Variants in ETV1 observed in about 807,000 individuals in gnomAD.
The protein encoded by ETV1 is ETS variant transcription factor 1.
Under a neutral mutation model 62.3 loss-of-function variants are expected in ETV1, and 27 were observed. That is an observed-to-expected ratio of 0.43 (90% CI 0.32 to 0.60). ETV1 has a LOEUF of 0.60. ETV1 is among the 20% of genes least tolerant of loss of function. ETV1 has a pLI of 0.06. For missense variants in ETV1, 605 were observed against 605.8 expected (o/e 1.00, Z 0.01); for synonymous variants, 222 against 199.6 (o/e 1.11, Z -0.94).
Position 13,906,545 on chromosome 7 carries a change from C to G in ETV1, c.995G>C (p.Arg332Pro). Residue 332 changes from arginine to proline, a missense_variant, in exon 12 of 14, where the codon CGA (arginine) becomes CCA (proline). Physicochemically the swap from Arg to Pro is moderately radical, Grantham distance 103 (BLOSUM62 -2). Around this residue, in one of 3 missense-constraint regions of ETV1, gnomAD observed 100 missense variants for 156.4 expected, o/e 0.64. Transcript: ENST00000430479. ...AAACTGCCAGAGCTGAAGTGATCCT[C>G]GCCGTTGGTATGTGGGTCCTTCCCG... ...MYREGPTYQR[R>P]GSLQLWQFLV... is the part of the protein sequence containing the mutation. 1 of 1,612,484 alleles carries G rather than the reference C, an allele frequency of 6.2e-7. No homozygotes were observed. Among genetic ancestry groups the G allele is most frequent in the South Asian group, 1.1e-5 (1 of 90,698 alleles).
chr7:13,917,622 T>G (rs188914907), intron 9 of ETV1, among the ~76,000 whole-genome samples: 1 of 151,590 alleles, frequency 6.6e-6, no homozygotes, highest in Non-Finnish European at 1.5e-5. Context: ...TGACCAACTT[T>G]GAGTATTTAT....
intron 9 of ETV1, among the ~76,000 whole-genome samples, chr7:13,912,201 A>G (rs1310751300): frequency 2.0e-5 from 3 of 152,228 alleles, no homozygotes; most frequent in South Asian, 2.1e-4. Context: ...TCTATTACAT[A>G]TAAGTGTGAC....
chr7:13,967,811 T>A (rs1457331927), intron 6 of ETV1, among the ~76,000 whole-genome samples: 2 of 152,128 alleles, frequency 1.3e-5, no homozygotes, highest in Non-Finnish European at 2.9e-5. Flanking sequence ...TATATCTTAT[T>A]TCATGAAACT....
chr7:13,945,101 T>C (rs1039794000), intron 6 of ETV1, among the ~76,000 whole-genome samples: 3 of 152,178 alleles, frequency 2.0e-5, no homozygotes, highest in Middle Eastern at 3.2e-3. Context: ...CAGTTTGTGA[T>C]ACTTTGTTAC....
intron 5 of ETV1, among the ~76,000 whole-genome samples, chr7:13,981,522 TAC>T (rs1562715270): frequency 1.4e-4 from 19 of 138,312 alleles, no homozygotes; most frequent in Admixed American, 3.8e-4. Flanking sequence ...CATACATACA[TAC>T]ATACATACAT....
chr7:13,895,272 CAT>C lies in ETV1; in HGVS notation c.*592_*593del, dbSNP rs144173400. 1.3e-5 allele frequency: 3 copies of C among 233,784 alleles called. No individual in the cohort carries two copies. The highest frequency in any genetic ancestry group is 2.5e-5 in the Non-Finnish European group (3 of 118,174). 14.5% of individuals were successfully genotyped at this position (233,784 alleles called of 1,614,324 possible). On this transcript the variant is annotated 3_prime_UTR_variant, in exon 14 of 14. Coordinates refer to ENST00000430479, the MANE Select transcript of ETV1 (RefSeq NM_004956.5). Reference sequence around the variant, plus strand: ...CATTTTATGGTTATCCTCTGCAAGTCATATATAAAGCAAAATAAAACAACAAA... The same window carrying C: ...CATTTTATGGTTATCCTCTGCAAGTCATATAAAGCAAAATAAAACAACAAA...
chr7:13,956,936 T>C (rs1789533815), intron 6 of ETV1, among the ~76,000 whole-genome samples: 2 of 152,080 alleles, frequency 1.3e-5, no homozygotes, highest in Non-Finnish European at 2.9e-5. Context: ...TCAAAAAAAT[T>C]AAGATGTGAT....
rs547288512 is a variant in ETV1, at chr7:13,987,855, T to C, written c.133+231A>G. 2.6e-5 allele frequency among the ~76,000 whole-genome samples: 4 copies of C among 152,304 alleles called. No homozygotes were observed. The South Asian group carries it at 8.3e-4, about 32-fold the overall frequency. Reference sequence around the variant, plus strand: ...CACAAAACAATGATTAAAAGAAGGTTGTCATTGAGAAGTTTTTATTTCCTT... The same window carrying C: ...CACAAAACAATGATTAAAAGAAGGTCGTCATTGAGAAGTTTTTATTTCCTT... On this transcript the variant is annotated intron_variant, in intron 4 of 13. Coordinates refer to ENST00000430479, the MANE Select transcript of ETV1 (RefSeq NM_004956.5).
chr7:13,976,338 A>T (rs1452162281), intron 6 of ETV1, among the ~76,000 whole-genome samples: 1 of 152,226 alleles, frequency 6.6e-6, no homozygotes, highest in Non-Finnish European at 1.5e-5. Context: ...TTGAACTACA[A>T]ACTTAAAAAT....
At chr7:13,898,670 G>T (rs1027691248) in intron 13 of ETV1, among the ~76,000 whole-genome samples, 1 of 151,896 alleles carries the variant, frequency 6.6e-6, no homozygotes, top group African/African-American at 2.4e-5. Flanking sequence ...CACCACATAT[G>T]CCCACAAAGT....
rs140866161 is a variant in ETV1 at position 13,981,018 on chromosome 7, G to A, written c.182-3538C>T. 5.1e-4 allele frequency among the ~76,000 whole-genome samples: 78 copies of A among 151,868 alleles called. 1 individual carries two copies. The East Asian group carries it at 0.012, about 23-fold the overall frequency. On this transcript the variant is annotated intron_variant, in intron 5 of 13. Coordinates refer to ENST00000430479, the MANE Select transcript of ETV1 (RefSeq NM_004956.5). ...AATCATTACTTAAGAAAAAGTAAGC[G>A]ATGAAAAAGTTTCCAAGGTTGGCTG...
At position 13,940,460 on chromosome 7, in the gene ETV1, G is replaced by C. The variant is rs1787367119; in HGVS notation, c.236-1214C>G. Reference sequence around the variant, plus strand: ...GAAATGCCTATTAGAAATCTTATCAGAATAATTAAATTTTTGGTATAAATG... The same window carrying C: ...GAAATGCCTATTAGAAATCTTATCACAATAATTAAATTTTTGGTATAAATG... On this transcript the variant is annotated intron_variant, in intron 6 of 13. Transcript: ENST00000430479. Among the ~76,000 whole-genome samples, 3 of 151,910 alleles carry C rather than the reference G, an allele frequency of 2.0e-5. No homozygotes were observed. The South Asian group carries it at 6.2e-4, about 32-fold the overall frequency.
intron 2 of ETV1, 44 bp downstream of exon 2, chr7:13,989,224 A>C: frequency 1.8e-6 from 1 of 571,160 alleles, no homozygotes; most frequent in African/African-American, 2.3e-5. Flanking sequence ...ACCCTCCGAC[A>C]GTCCCATTCA....
intron 9 of ETV1, among the ~76,000 whole-genome samples, chr7:13,919,705 T>C (rs1337900999): frequency 6.6e-6 from 1 of 152,148 alleles, no homozygotes; most frequent in Non-Finnish European, 1.5e-5. Flanking sequence ...ATAAAATGTC[T>C]CTTTTCCTCA....
At position 13,895,683 on chromosome 7, in the gene ETV1, C is replaced by G. The variant is rs28627933; in HGVS notation, c.*183G>C. ...AATGTTTAGATTACTCCCACCCACCCTCAAATAAAGTGCACAGTCCATGGC... is the reference window on the plus strand; with the variant it reads ...AATGTTTAGATTACTCCCACCCACCGTCAAATAAAGTGCACAGTCCATGGC... On this transcript the variant is annotated 3_prime_UTR_variant, in exon 14 of 14. Coordinates refer to ENST00000430479, the MANE Select transcript of ETV1 (RefSeq NM_004956.5). The G allele has an allele frequency of 2.7e-3, 1,547 of 579,570 alleles. 10 individuals are homozygous for G. The highest frequency in any genetic ancestry group is 0.019 in the African/African-American group (1,004 of 53,850). The allele number at this position is 579,570 out of a possible 1,614,324, so 35.9% of individuals were successfully genotyped here.
chr7:13,942,146 C>A (rs1236540230), intron 6 of ETV1, among the ~76,000 whole-genome samples: 2 of 151,354 alleles, frequency 1.3e-5, no homozygotes, highest in Non-Finnish European at 2.9e-5. Flanking sequence ...GCCTCAGCCT[C>A]CCGAGTAGCT....
intron 6 of ETV1, among the ~76,000 whole-genome samples, chr7:13,975,829 G>A (rs1328304473): frequency 6.6e-6 from 1 of 152,116 alleles, no homozygotes; most frequent in Non-Finnish European, 1.5e-5. Flanking sequence ...TTACCTATAG[G>A]TGGTTCATTT....
chr7:13,900,279 G>A (rs1195177210), intron 13 of ETV1: 1 of 152,724 alleles, frequency 6.5e-6, no homozygotes, highest in Non-Finnish European at 1.5e-5. Context: ...ATAAAACTAG[G>A]CAAGATTTGA....
chr7:13,986,326 C>T (rs1782546552), intron 5 of ETV1: 2 of 1,494,836 alleles, frequency 1.3e-6, no homozygotes, highest in Admixed American at 5.8e-5. Context: ...ATAATATAAA[C>T]CTGATCAATT....
Sources: gnomAD v4.1 joint callset for allele counts (sites outside exome capture counted in the v4.1 genomes callset) on GRCh38, gnomAD v4.1.1 for gene constraint, gnomAD v4.1.1 regional missense constraint, MANE v1.5 for transcripts, NCBI Gene and HGNC (gene_info 2026-07-23, HGNC 2026-07-21) for gene names.